Variants in SLIT2 observed in about 807,000 individuals in gnomAD.
SLIT2 encodes slit guidance ligand 2.
SLIT2 carries 41 observed loss-of-function variants against 185.7 expected under a neutral mutation model. The ratio of observed to expected loss-of-function variants is 0.22; its 90% CI spans 0.17 to 0.29. The LOEUF (loss-of-function observed/expected upper bound fraction) is 0.29, where lower values mean the gene tolerates loss of function less well. Among genes scored for constraint, SLIT2 ranks in the 10% least tolerant of loss-of-function variants. The pLI, the probability that SLIT2 is intolerant of heterozygous loss-of-function variation, is 1.00. For missense variants in SLIT2, 1,571 were observed against 1,909.0 expected, an observed-to-expected ratio of 0.82 and a Z score of 3.30; for synonymous variants, 693 against 680.2, an observed-to-expected ratio of 1.02 and a Z score of -0.29.
At chr4:20,494,706 G>C (rs1208552835) in intron 9 of SLIT2, among the ~76,000 whole-genome samples, 1 of 151,678 alleles carries the variant, frequency 6.6e-6, no homozygotes, top group Non-Finnish European at 1.5e-5. Flanking sequence ...ATGAACCCGG[G>C]GACAATGCTT....
rs1392979796 is a variant in SLIT2 at position 20,480,718 on chromosome 4, A to T, written c.470A>T (p.Gln157Leu). 6.2e-7 allele frequency: 1 copy of T among 1,612,314 alleles called. No individual in the cohort carries two copies. Among genetic ancestry groups the T allele is most frequent in the Non-Finnish European group, 8.5e-7 (1 of 1,178,554 alleles). Residue 157 changes from glutamine (Q) to leucine (L), a missense_variant and splice_region_variant, in exon 6 of 37, where the codon CAA (glutamine) becomes CTA (leucine). Around this residue, in one of 3 missense-constraint regions of SLIT2, gnomAD observed 1,202 missense variants for 1,416.4 expected, o/e 0.85. Transcript: ENST00000504154. ...TATTCTTCTAATCTTTTTAACAGGC[A>T]ACTGGATTACAACCAGATCAGCTGT... Reference protein sequence around the residue: ...FRGAVDIKNLQLDYNQISCIE... With the variant: ...FRGAVDIKNLLLDYNQISCIE...
chr4:20,520,867 C>T (rs958357929), intron 12 of SLIT2, among the ~76,000 whole-genome samples: 1 of 152,126 alleles, frequency 6.6e-6, no homozygotes, highest in Admixed American at 6.5e-5. Flanking sequence ...ATGAGAAATA[C>T]TGATTTTGTA....
At chr4:20,489,719 G>A (rs537589825) in intron 8 of SLIT2, among the ~76,000 whole-genome samples, 72 of 152,100 alleles carry the variant, frequency 4.7e-4, no homozygotes, top group Non-Finnish European at 9.0e-4. Context: ...GGGAGGCGGA[G>A]ATTGCAGTGA....
At chr4:20,264,467 A>G (rs1386435850) in intron 3 of SLIT2, among the ~76,000 whole-genome samples, 1 of 151,852 alleles carries the variant, frequency 6.6e-6, no homozygotes, top group African/African-American at 2.4e-5. Context: ...TGGCTTTGGT[A>G]AAACTGTTTT....
At chr4:20,374,296 T>C (rs2109325279) in intron 4 of SLIT2, among the ~76,000 whole-genome samples, 1 of 152,220 alleles carries the variant, frequency 6.6e-6, no homozygotes, top group Admixed American at 6.6e-5. Flanking sequence ...ATAATAGAAA[T>C]TTATTGAGTT....
intron 5 of SLIT2, among the ~76,000 whole-genome samples, chr4:20,476,921 T>TC: frequency 6.6e-6 from 1 of 152,208 alleles, no homozygotes; most frequent in African/African-American, 2.4e-5. Flanking sequence ...TTGTATATTG[T>TC]CCCCCATACC....
At chr4:20,297,510 A>C (rs572606077) in intron 4 of SLIT2, among the ~76,000 whole-genome samples, 6 of 152,328 alleles carry the variant, frequency 3.9e-5, no homozygotes, top group African/African-American at 1.4e-4. Context: ...TGAGAAACCA[A>C]GTACAGTAAA....
chr4:20,460,254 G>A (rs1215385622), intron 4 of SLIT2, among the ~76,000 whole-genome samples: 2 of 151,984 alleles, frequency 1.3e-5, no homozygotes, highest in African/African-American at 2.4e-5. Context: ...GAAATAAGAT[G>A]AGTTAACATC....
In SLIT2 at chr4:20,536,172, A is replaced by G. The variant is rs183518566; in HGVS notation, c.1832+2457A>G. 1.4e-4 allele frequency among the ~76,000 whole-genome samples: 22 copies of G among 152,302 alleles called. No individual in the cohort carries two copies. In the East Asian group the frequency reaches 4.3e-3, roughly 29 times the overall value. Reference sequence around the variant, plus strand: ...CACTTAACAAGAATGGAGCTTGCAGAACTGGAAGTTTCTCTGGGTGAGTGA... The same window carrying G: ...CACTTAACAAGAATGGAGCTTGCAGGACTGGAAGTTTCTCTGGGTGAGTGA... On this transcript the variant is annotated intron_variant, in intron 18 of 36. Transcript: ENST00000504154.
rs1713559690 is a variant in SLIT2, at chr4:20,460,275, T to C, written c.396-7477T>C. On this transcript the variant is annotated intron_variant, in intron 4 of 36. Coordinates refer to ENST00000504154, the MANE Select transcript of SLIT2 (RefSeq NM_004787.4). ...AGATGAGTTAACATCCCTGCCTTTG[T>C]TTATCATATTGTCTAACAGGAGAGA... 2.0e-5 allele frequency among the ~76,000 whole-genome samples: 3 copies of C among 152,160 alleles called. No individual in the cohort carries two copies. The South Asian group carries it at 6.2e-4, about 32-fold the overall frequency.
chr4:20,487,927 T>A (rs906070542), intron 7 of SLIT2, among the ~76,000 whole-genome samples: 2 of 152,196 alleles, frequency 1.3e-5, no homozygotes, highest in Non-Finnish European at 2.9e-5. Context: ...ATTGAACACA[T>A]CAGCTTAAAA....
At chr4:20,503,804 G>A (rs1718957809) in intron 9 of SLIT2, among the ~76,000 whole-genome samples, 1 of 152,048 alleles carries the variant, frequency 6.6e-6, no homozygotes, top group African/African-American at 2.4e-5. Flanking sequence ...ATCACAAAAT[G>A]TAAAATAAAA....
rs528718387 is a variant in SLIT2 at position 20,567,503 on chromosome 4, C to T, written c.2851-15C>T. 5 of 1,611,592 alleles carry T rather than the reference C, an allele frequency of 3.1e-6. No homozygotes were observed. In the South Asian group the frequency reaches 4.4e-5, roughly 14 times the overall value. On this transcript the variant is annotated splice_polypyrimidine_tract_variant and intron_variant, in intron 27 of 36. Transcript: ENST00000504154. ...GAACTACTTCACTCGACTATACTTG[C>T]CCCTTCTTCTCCAGGGGCAGGACTG...
chr4:20,297,307 T>A (rs1015465069), intron 4 of SLIT2, among the ~76,000 whole-genome samples: 2 of 152,186 alleles, frequency 1.3e-5, no homozygotes, highest in Non-Finnish European at 2.9e-5. Context: ...GAAACTTTGT[T>A]TTCCTGAATT....
At chr4:20,366,172 T>C (rs1222249788) in intron 4 of SLIT2, among the ~76,000 whole-genome samples, 1 of 152,076 alleles carries the variant, frequency 6.6e-6, no homozygotes, top group Non-Finnish European at 1.5e-5. Flanking sequence ...TTATTGCTCC[T>C]CTCTACTCCT....
chr4:20,303,352 G>A (rs918026958), intron 4 of SLIT2, among the ~76,000 whole-genome samples: 1 of 151,830 alleles, frequency 6.6e-6, no homozygotes, highest in African/African-American at 2.4e-5. Flanking sequence ...TTGTTTTATT[G>A]TTTTCATTGA....
At chr4:20,359,898 A>T (rs1722605252) in intron 4 of SLIT2, among the ~76,000 whole-genome samples, 1 of 152,074 alleles carries the variant, frequency 6.6e-6, no homozygotes, top group African/African-American at 2.4e-5. Flanking sequence ...AGAATGAGGA[A>T]GTGAAATGAA....
chr4:20,548,387 C>A, intron 22 of SLIT2, 101 bp from the exon 23 acceptor site: 1 of 644,004 alleles, frequency 1.6e-6, no homozygotes, highest in Non-Finnish European at 2.8e-6. Context: ...TGAATGCTAA[C>A]AATACTGCTA....
chr4:20,475,511 C>T (rs1715998716), intron 5 of SLIT2, among the ~76,000 whole-genome samples: 1 of 151,918 alleles, frequency 6.6e-6, no homozygotes, highest in African/African-American at 2.4e-5. Context: ...GGAGTTATGG[C>T]AATACATACA....
Sources: allele counts gnomAD v4.1 joint callset (sites outside exome capture counted in the v4.1 genomes callset), GRCh38; gene constraint gnomAD v4.1.1; regional missense constraint gnomAD v4.1.1; transcripts MANE v1.5; gene names NCBI Gene and HGNC (gene_info 2026-07-23, HGNC 2026-07-21).